The following NFKB2 variants were observed in gnomAD, a reference collection of about 807,000 sequenced individuals.
NFKB2 encodes nuclear factor NF-kappa-B p100 subunit.
In NFKB2, 21 loss-of-function variants were observed where a neutral mutation model predicts 109.3. The ratio of observed to expected loss-of-function variants is 0.19; its 90% CI spans 0.14 to 0.28. The LOEUF (loss-of-function observed/expected upper bound fraction) is 0.28, where lower values mean the gene tolerates loss of function less well. NFKB2 is among the 10% of genes least tolerant of loss of function. The pLI is 1.00. For missense variants in NFKB2, 806 were observed against 1,185.3 expected (o/e 0.68, Z 4.70); for synonymous variants, 478 against 489.9 (o/e 0.98, Z 0.32).
At position 102,399,330 on chromosome 10, in the gene NFKB2, C is replaced by T. The variant is rs1314254295; in HGVS notation, c.1160C>T (p.Pro387Leu). 1.3e-6 allele frequency: 2 copies of T among 1,587,076 alleles called. No homozygotes were observed. Among genetic ancestry groups the T allele is most frequent in the East Asian group, 2.3e-5 (1 of 43,840 alleles). The change falls in exon 13 of 23, where the codon CCC becomes CTC. Residue 387 changes from proline to leucine, a missense_variant. Around this residue, in one of 10 missense-constraint regions of NFKB2, gnomAD observed 209 missense variants for 211.9 expected, o/e 0.99. Transcript: ENST00000661543. ...TTCCCCTCCTCCCTGGCCTACAGCC[C>T]CTACCAGTCCGGCGCGGGCCCCATG... is the stretch of plus-strand genomic sequence containing the variant. ...GFFPSSLAYS[P>L]YQSGAGPMGC...
Position 102,395,823 on chromosome 10 carries a change from C to T in NFKB2, c.-73+27C>T, listed in dbSNP as rs1244755894. The stretch of plus-strand genomic sequence containing the variant: ...TCGGACCCTCCCCCAAATCTGGGCC[C>T]CCATCTCCCGCCCACCCCCATTTAG... On this transcript the variant is annotated intron_variant, in intron 1 of 22. Coordinates refer to ENST00000661543, the MANE Select transcript of NFKB2 (RefSeq NM_001322934.2). 7 of 382,966 alleles carry T rather than the reference C, an allele frequency of 1.8e-5. No individual in the cohort carries two copies. The East Asian group carries it at 2.8e-4, about 15-fold the overall frequency. 23.7% of individuals were successfully genotyped at this position (382,966 alleles called of 1,614,324 possible).
chr10:102,399,844 T>G, intron 14 of NFKB2, 126 bp downstream of exon 14: 11 of 1,356,152 alleles, frequency 8.1e-6, no homozygotes, highest in Non-Finnish European at 1.1e-5. Context: ...TCACAAGCTC[T>G]GTTCAAGCTG....
chr10:102,401,868 C>T lies in NFKB2; in HGVS notation c.2417C>T (p.Thr806Met), dbSNP rs746087341. ...CTGGGGCTGCGCAGCCTGGTAGACACGTACCGACAGACAACCTCACCCAGT... is the reference window on the plus strand; with the variant it reads ...CTGGGGCTGCGCAGCCTGGTAGACATGTACCGACAGACAACCTCACCCAGT... ...ERLGLRSLVD[T>M]YRQTTSPSGS... is the part of the protein sequence containing the mutation. Residue 806 changes from threonine (T) to methionine (M), a missense_variant, in exon 21 of 23, where the codon ACG becomes ATG. Physicochemically the swap from Thr to Met is moderately conservative, Grantham distance 81. This residue lies in a region of NFKB2 where 211 missense variants were observed against 268.7 expected (regional missense o/e 0.79). Coordinates refer to ENST00000661543, the MANE Select transcript of NFKB2 (RefSeq NM_001322934.2). The surrounding 1 kb of genome is among the most constrained non-coding windows in gnomAD (Gnocchi z 4.2). 1.1e-5 allele frequency: 17 copies of T among 1,613,716 alleles called. No homozygotes were observed. Among genetic ancestry groups the T allele is most frequent in the South Asian group, 2.2e-5 (2 of 91,038 alleles).
chr10:102,402,022 C>T (rs201054799), intron 21 of NFKB2, 26 bp from the exon 22 acceptor site: 4 of 1,572,188 alleles, frequency 2.5e-6, no homozygotes, highest in Non-Finnish European at 3.5e-6. Context: ...AACCATGACT[C>T]AGACCTCATT....
Position 102,398,746 on chromosome 10 carries a change from A to G in NFKB2, c.999A>G (p.Glu333=), listed in dbSNP as rs2061161666. ...FTYYPLVEDK[E]EVQRKRRKAL... ...ATTTTCCTCTGCCCCCAGACAAGGA[A>G]GAGGTGCAGCGGAAGCGGAGGAAGG... Residue 333 remains glutamate (E), a synonymous_variant, in exon 12 of 23, where the codon GAA becomes GAG. Coordinates refer to ENST00000661543, the MANE Select transcript of NFKB2 (RefSeq NM_001322934.2). This position sits in a 1 kb window ranked among gnomAD's most constrained non-coding sequence, Gnocchi z 6.6. 3 of 1,612,400 alleles carry G rather than the reference A, an allele frequency of 1.9e-6. No homozygotes were observed. The highest frequency in any genetic ancestry group is 1.1e-5 in the South Asian group (1 of 91,014).
In NFKB2 at chr10:102,397,843, C is replaced by A. The variant is rs2061144695; in HGVS notation, c.662-138C>A. On this transcript the variant is annotated intron_variant, in intron 8 of 22. Transcript: ENST00000661543. This position sits in a 1 kb window ranked among gnomAD's most constrained non-coding sequence, Gnocchi z 4.7. Reference sequence around the variant, plus strand: ...GCAAGTCATTTCCCCCCCGAAGCTTCTGTCTTTAGTAAATGTGTATATTGG... The same window carrying A: ...GCAAGTCATTTCCCCCCCGAAGCTTATGTCTTTAGTAAATGTGTATATTGG... The A allele has an allele frequency of 1.6e-6, 2 of 1,263,078 alleles. No individual in the cohort carries two copies. The allele number at this position is 1,263,078 out of a possible 1,614,324, so 78.2% of individuals were successfully genotyped here.
rs2061211902 is a variant in NFKB2 at position 102,400,417 on chromosome 10, C to T, written c.1724C>T (p.Pro575Leu). The T allele has an allele frequency of 3.7e-6, 6 of 1,613,048 alleles. No individual in the cohort carries two copies. The highest frequency in any genetic ancestry group is 5.1e-6 in the Non-Finnish European group (6 of 1,180,018). Residue 575 changes from proline (P) to leucine (L), a missense_variant, in exon 16 of 23, where the codon CCT becomes CTT. Transcript: ENST00000661543. This position sits in a 1 kb window ranked among gnomAD's most constrained non-coding sequence, Gnocchi z 6.3. ...HLALRAGAGA[P>L]ELLRALLQSG... is the part of the protein sequence containing the mutation. Reference sequence around the variant, plus strand: ...GCGCTGCGGGCAGGCGCTGGTGCTCCTGAGCTGCTGCGTGCACTGCTTCAG... The same window carrying T: ...GCGCTGCGGGCAGGCGCTGGTGCTCTTGAGCTGCTGCGTGCACTGCTTCAG...
chr10:102,400,928 T>C lies in NFKB2; in HGVS notation c.1969-19T>C, dbSNP rs536364553. On this transcript the variant is annotated intron_variant, in intron 17 of 22. Transcript: ENST00000661543. This position sits in a 1 kb window ranked among gnomAD's most constrained non-coding sequence, Gnocchi z 6.3. ...GGGGACCATGCTGTGGTGTCAACTC[T>C]CGCTGCTCGCACCCCCAGCTCCGGG... The C allele has an allele frequency of 1.1e-5, 17 of 1,606,164 alleles. No individual in the cohort carries two copies. The highest frequency in any genetic ancestry group is 1.4e-5 in the Non-Finnish European group (17 of 1,176,048).
chr10:102,397,038 C>A lies in NFKB2; in HGVS notation c.378C>A (p.Pro126=), dbSNP rs2061127614. ...GGATCTGCGCCGTTTCTGTGGGGCC[C>A]AAGGACATGACTGCCCAGTAGGTGC... is the stretch of plus-strand genomic sequence containing the variant. ...ELGICAVSVG[P]KDMTAQFNNL... is the part of the protein sequence containing the mutation. The change falls in exon 6 of 23, where the codon CCC becomes CCA. Residue 126 remains proline (P), a synonymous_variant. Coordinates refer to ENST00000661543, the MANE Select transcript of NFKB2 (RefSeq NM_001322934.2). The surrounding 1 kb of genome is among the most constrained non-coding windows in gnomAD (Gnocchi z 4.7). The A allele has an allele frequency of 1.2e-6, 2 of 1,612,788 alleles. 1 individual carries two copies. Among genetic ancestry groups the A allele is most frequent in the African/African-American group, 2.7e-5 (2 of 75,036 alleles).
chr10:102,397,834 C>G lies in NFKB2; in HGVS notation c.662-147C>G. The G allele has an allele frequency of 7.9e-7, 1 of 1,272,642 alleles. No individual in the cohort carries two copies. Among genetic ancestry groups the G allele is most frequent in the Non-Finnish European group, 1.1e-6 (1 of 903,424 alleles). The allele number at this position is 1,272,642 out of a possible 1,614,324, so 78.8% of individuals were successfully genotyped here. ...TGATCCTGAGCAAGTCATTTCCCCCCCGAAGCTTCTGTCTTTAGTAAATGT... is the reference window on the plus strand; with the variant it reads ...TGATCCTGAGCAAGTCATTTCCCCCGCGAAGCTTCTGTCTTTAGTAAATGT... On this transcript the variant is annotated intron_variant, in intron 8 of 22. Transcript: ENST00000661543. The surrounding 1 kb of genome is among the most constrained non-coding windows in gnomAD (Gnocchi z 4.7).
rs1442050132 is a variant in NFKB2, at chr10:102,397,597, G to C, written c.573G>C (p.Arg191=). 21 of 1,613,962 alleles carry C rather than the reference G, an allele frequency of 1.3e-5. No individual in the cohort carries two copies. The highest frequency in any genetic ancestry group is 1.5e-5 in the Non-Finnish European group (18 of 1,179,966). ...LKKVMDLSIV[R]LRFSAFLRAS... is the part of the protein sequence containing the mutation. ...AGGTGATGGATCTGAGTATAGTGCG[G>C]CTGCGCTTCTCTGCCTTCCTTAGAG... Residue 191 remains arginine (R), a synonymous_variant, in exon 8 of 23, where the codon CGG becomes CGC. Transcript: ENST00000661543. The surrounding 1 kb of genome is among the most constrained non-coding windows in gnomAD (Gnocchi z 4.7).
chr10:102,397,225 C>T lies in NFKB2; in HGVS notation c.396-77C>T, dbSNP rs2061131286. The T allele has an allele frequency of 6.4e-7, 1 of 1,555,648 alleles. No individual in the cohort carries two copies. ...GCTTCCTTGAGGAAGTAAGGCTGAG[C>T]TGAGCCCTGGCAATGGGAAAGGTGC... On this transcript the variant is annotated intron_variant, in intron 6 of 22. Coordinates refer to ENST00000661543, the MANE Select transcript of NFKB2 (RefSeq NM_001322934.2). The surrounding 1 kb of genome is among the most constrained non-coding windows in gnomAD (Gnocchi z 4.7).
rs1325505859 is a variant in NFKB2, at chr10:102,400,226, G to A, written c.1584+32G>A. 1 of 1,613,936 alleles carries A rather than the reference G, an allele frequency of 6.2e-7. No homozygotes were observed. The highest frequency in any genetic ancestry group is 1.7e-5 in the Admixed American group (1 of 60,022). ...GGGCGCCTACTGGGGAGGTGGGAGG[G>A]GTTGGAAGGCAAGTGGGTCTCGGGC... On this transcript the variant is annotated intron_variant, in intron 15 of 22. Coordinates refer to ENST00000661543, the MANE Select transcript of NFKB2 (RefSeq NM_001322934.2). The surrounding 1 kb of genome is among the most constrained non-coding windows in gnomAD (Gnocchi z 6.3).
chr10:102,400,154 A>G lies in NFKB2; in HGVS notation c.1544A>G (p.Gln515Arg). 6.2e-7 allele frequency: 1 copy of G among 1,614,168 alleles called. No homozygotes were observed. Among genetic ancestry groups the G allele is most frequent in the Non-Finnish European group, 8.5e-7 (1 of 1,179,986 alleles). The stretch of plus-strand genomic sequence containing the variant: ...ATAGTCTATGTCATCCACCACGCCC[A>G]GGACCTCGGCGTTGTCAACCTCACC... ...EQIVYVIHHA[Q>R]DLGVVNLTNH... Residue 515 changes from glutamine (Q) to arginine (R), a missense_variant, in exon 15 of 23, where the codon CAG (glutamine) becomes CGG (arginine). Gln to Arg is a conservative substitution (Grantham distance 43). Transcript: ENST00000661543. The surrounding 1 kb of genome is among the most constrained non-coding windows in gnomAD (Gnocchi z 6.3).
rs370968531 is a variant in NFKB2, at chr10:102,396,410, C to A, written c.104-39C>A. 6.2e-7 allele frequency: 1 copy of A among 1,613,986 alleles called. No homozygotes were observed. Among genetic ancestry groups the A allele is most frequent in the African/African-American group, 1.3e-5 (1 of 74,904 alleles). On this transcript the variant is annotated intron_variant, in intron 3 of 22. Transcript: ENST00000661543. This position sits in a 1 kb window ranked among gnomAD's most constrained non-coding sequence, Gnocchi z 5.9. ...ATGTGCCCTCTCTCTGGGGGAGGGGCTGGGAGATCGTGGCTCAGCAAGGTC... is the reference window on the plus strand; with the variant it reads ...ATGTGCCCTCTCTCTGGGGGAGGGGATGGGAGATCGTGGCTCAGCAAGGTC...
chr10:102,400,944 C>T lies in NFKB2; in HGVS notation c.1969-3C>T. 1 of 1,611,872 alleles carries T rather than the reference C, an allele frequency of 6.2e-7. No individual in the cohort carries two copies. Among genetic ancestry groups the T allele is most frequent in the Non-Finnish European group, 8.5e-7 (1 of 1,178,976 alleles). On this transcript the variant is annotated splice_polypyrimidine_tract_variant and splice_region_variant and intron_variant, in intron 17 of 22. Coordinates refer to ENST00000661543, the MANE Select transcript of NFKB2 (RefSeq NM_001322934.2). The surrounding 1 kb of genome is among the most constrained non-coding windows in gnomAD (Gnocchi z 6.3). Reference sequence around the variant, plus strand: ...TGTCAACTCTCGCTGCTCGCACCCCCAGCTCCGGGCCAACGTGAACGCTCG... The same window carrying T: ...TGTCAACTCTCGCTGCTCGCACCCCTAGCTCCGGGCCAACGTGAACGCTCG...
intron 22 of NFKB2, 43 bp downstream of exon 22, chr10:102,402,202 C>T (rs45502699): frequency 2.8e-5 from 44 of 1,552,694 alleles, no homozygotes; most frequent in African/African-American, 1.4e-4. Context: ...CCTGGAGGGC[C>T]GGAGGCCTGA....
In NFKB2 at chr10:102,398,632, G is replaced by A; in HGVS notation, c.992-107G>A. The A allele has an allele frequency of 6.2e-7, 1 of 1,610,272 alleles. No individual in the cohort carries two copies. The highest frequency in any genetic ancestry group is 8.5e-7 in the Non-Finnish European group (1 of 1,178,790). On this transcript the variant is annotated intron_variant, in intron 11 of 22. Transcript: ENST00000661543. This position sits in a 1 kb window ranked among gnomAD's most constrained non-coding sequence, Gnocchi z 6.6. ...GCATGAGCCAAGTCAGAAGTGCGAG[G>A]GTCCCAGGAGGTGCTTCCTAGGAGC... is the stretch of plus-strand genomic sequence containing the variant.
At chr10:102,395,580 C>A (rs988850110), upstream of NFKB2, 10 of 393,270 alleles carry the variant, frequency 2.5e-5, no homozygotes, top group African/African-American at 1.8e-4. Context: ...CAGCGGGAGC[C>A]CGTAGACTGT....
Sources: allele counts gnomAD v4.1 joint callset, GRCh38; gene constraint gnomAD v4.1.1; regional missense constraint gnomAD v4.1.1; non-coding constraint Gnocchi (gnomAD v3.1); transcripts MANE v1.5; gene names NCBI Gene and HGNC (gene_info 2026-07-23, HGNC 2026-07-21).